Variants in PEMT observed in about 807,000 individuals in gnomAD.
PEMT encodes phosphatidylethanolamine N-methyltransferase.
In PEMT, 23 loss-of-function variants were observed where a neutral mutation model predicts 27.4. That is an observed-to-expected ratio of 0.84 (90% CI 0.60 to 1.19). The LOEUF is 1.19. Among genes scored for constraint, PEMT ranks in the 50% most tolerant of loss-of-function variants. The pLI, the probability that PEMT is intolerant of heterozygous loss-of-function variation, is 0.00. For synonymous variants in PEMT, 137 were observed against 139.1 expected (o/e 0.98, Z 0.11); for missense variants, 307 against 310.1 (o/e 0.99, Z 0.07).
intron 1 of PEMT, among the ~76,000 whole-genome samples, chr17:17,589,901 C>G (rs565504001): frequency 3.0e-4 from 46 of 152,378 alleles, no homozygotes; most frequent in African/African-American, 1.1e-3. Flanking sequence ...CTCTCTCCAG[C>G]TGCACAGCCC....
chr17:17,541,963 ACCTTCCTCTTTTTTCTTTTTTCTTTT>A (rs1908919301), intron 2 of PEMT, among the ~76,000 whole-genome samples: 1 of 152,176 alleles, frequency 6.6e-6, no homozygotes, highest in East Asian at 1.9e-4. Context: ...GGCACAGCCC[ACCTTCCTCTTTTTTCTTTTTTCTTTT>A]TCTTTTTTTG....
intron 2 of PEMT, among the ~76,000 whole-genome samples, chr17:17,543,204 AT>A (rs749980631): frequency 3.3e-5 from 5 of 152,226 alleles, no homozygotes; most frequent in Non-Finnish European, 7.3e-5. Flanking sequence ...TCGCATGTGC[AT>A]GTGACCACTG....
intron 1 of PEMT, chr17:17,577,399 A>G: frequency 3.3e-6 from 3 of 904,316 alleles, no homozygotes; most frequent in Non-Finnish European, 4.2e-6. Context: ...AAATGTGAAG[A>G]GATGCTCAAC....
intron 2 of PEMT, among the ~76,000 whole-genome samples, chr17:17,546,567 C>T (rs952251230): frequency 3.3e-5 from 5 of 152,154 alleles, no homozygotes; most frequent in Admixed American, 2.0e-4. Context: ...TACAAGATAA[C>T]GGGATGGCAT....
At chr17:17,528,627 C>T (rs1907870063) in intron 2 of PEMT, among the ~76,000 whole-genome samples, 1 of 152,206 alleles carries the variant, frequency 6.6e-6, no homozygotes, top group African/African-American at 2.4e-5. Context: ...TGAGACGTCC[C>T]CGGGGCAGCA....
At chr17:17,509,863 G>A (rs1253149798) in intron 4 of PEMT, among the ~76,000 whole-genome samples, 2 of 152,112 alleles carry the variant, frequency 1.3e-5, no homozygotes, top group East Asian at 3.9e-4. Context: ...CCTCCCCTGC[G>A]ATGCCTTTCC....
chr17:17,535,523 CCACTGCACTCCAGCCTGGGCGA>C (rs1346398242), intron 2 of PEMT, among the ~76,000 whole-genome samples: 2 of 151,730 alleles, frequency 1.3e-5, no homozygotes, highest in Admixed American at 6.6e-5. Flanking sequence ...TGAGATCGCG[CCACTGCACTCCAGCCTGGGCGA>C]CAGACTGAGA....
chr17:17,506,304 G>T lies in PEMT; in HGVS notation c.579-3C>A. ...GCAGGCCCGTGGGGCTGGCGTGCCT[G>T]AAAGGACAGAGGCAGGTCAGGCCTG... On this transcript the variant is annotated splice_region_variant and splice_polypyrimidine_tract_variant and intron_variant, in intron 5 of 6. Coordinates refer to ENST00000255389, the MANE Select transcript of PEMT (RefSeq NM_148172.3). 1 of 1,570,194 alleles carries T rather than the reference G, an allele frequency of 6.4e-7. No homozygotes were observed. The highest frequency in any genetic ancestry group is 8.6e-7 in the Non-Finnish European group (1 of 1,156,760).
rs70963100 is a variant in PEMT, at chr17:17,512,525, G to A, written c.450C>T (p.Phe150=). ...LVLSSFFALG[F]AGTFLGDYFG... Reference sequence around the variant, plus strand: ...GGGTCTTACCTAGGAAAGTTCCAGCGAACCCCAGTGCAAAGAAGCTGGAGA... The same window carrying A: ...GGGTCTTACCTAGGAAAGTTCCAGCAAACCCCAGTGCAAAGAAGCTGGAGA... The change falls in exon 4 of 7, where the codon TTC becomes TTT. Residue 150 remains phenylalanine (F), a synonymous_variant. Transcript: ENST00000255389. The surrounding 1 kb of genome is among the most constrained non-coding windows in gnomAD (Gnocchi z 6.3). 148 of 1,601,894 alleles carry A rather than the reference G, an allele frequency of 9.2e-5. No homozygotes were observed. Among genetic ancestry groups the A allele is most frequent in the Middle Eastern group, 1.7e-4 (1 of 6,024 alleles).
chr17:17,545,037 G>A (rs1909153014), intron 2 of PEMT, among the ~76,000 whole-genome samples: 1 of 152,190 alleles, frequency 6.6e-6, no homozygotes, highest in Non-Finnish European at 1.5e-5. Context: ...GTTCCAAAGG[G>A]CCACTCAGCT....
Position 17,507,870 on chromosome 17 carries a change from C to T in PEMT, c.578+1564G>A, listed in dbSNP as rs71364028. The T allele has an allele frequency of 7.0e-3, 1,072 of 152,780 alleles. 9 individuals carry two copies. Among genetic ancestry groups the T allele is most frequent in the Non-Finnish European group, 9.3e-3 (633 of 68,384 alleles). 9.5% of individuals were successfully genotyped at this position (152,780 alleles called of 1,614,324 possible). A position where few individuals can be genotyped will look rare whatever the true frequency, so the allele number is the denominator to read the frequency against. ...GGACCATTGATGCCATCTCTCAGCACGCTGCATGGCTGATGTCCTCTGGAG... is the reference window on the plus strand; with the variant it reads ...GGACCATTGATGCCATCTCTCAGCATGCTGCATGGCTGATGTCCTCTGGAG... On this transcript the variant is annotated intron_variant, in intron 5 of 6. Transcript: ENST00000255389.
At chr17:17,509,623 G>A (rs888021775) in intron 4 of PEMT, 78 bp from the exon 5 acceptor site, 7 of 1,011,052 alleles carry the variant, frequency 6.9e-6, no homozygotes, top group South Asian at 5.2e-5. Flanking sequence ...GCCCCAGAGC[G>A]GGCTGTGGCG....
chr17:17,572,140 G>A (rs1292902058), intron 2 of PEMT, among the ~76,000 whole-genome samples: 1 of 152,186 alleles, frequency 6.6e-6, no homozygotes, highest in Non-Finnish European at 1.5e-5. Flanking sequence ...GCCCAACCAT[G>A]GGCTGGCCAA....
At chr17:17,558,233 G>A (rs1398037707) in intron 2 of PEMT, among the ~76,000 whole-genome samples, 2 of 152,114 alleles carry the variant, frequency 1.3e-5, no homozygotes, top group Non-Finnish European at 2.9e-5. Context: ...AGGGCTGGGC[G>A]TGGTGGCTCA....
chr17:17,573,466 CA>C (rs71152883), intron 2 of PEMT, among the ~76,000 whole-genome samples: 1,273 of 80,190 alleles, frequency 0.016, 28 homozygotes, highest in Admixed American at 0.11. Context: ...GATGCTGTCT[CA>C]AAAAAAAAAA....
At chr17:17,569,394 G>A (rs2142721415) in intron 2 of PEMT, among the ~76,000 whole-genome samples, 1 of 152,294 alleles carries the variant, frequency 6.6e-6, no homozygotes, top group Non-Finnish European at 1.5e-5. Flanking sequence ...GAGGGGAGGA[G>A]CTGCACACTG....
chr17:17,543,009 C>A (rs1908996386), intron 2 of PEMT, among the ~76,000 whole-genome samples: 1 of 152,254 alleles, frequency 6.6e-6, no homozygotes, highest in African/African-American at 2.4e-5. Context: ...GGCCTCCTCG[C>A]ATCAGTTACT....
chr17:17,532,520 G>C (rs947836713), intron 2 of PEMT, among the ~76,000 whole-genome samples: 8 of 152,124 alleles, frequency 5.3e-5, no homozygotes, highest in African/African-American at 1.9e-4. Context: ...AGAAACAAAA[G>C]ATCTAAATAA....
chr17:17,547,708 C>T (rs1368052496), intron 2 of PEMT, among the ~76,000 whole-genome samples: 1 of 152,116 alleles, frequency 6.6e-6, no homozygotes, highest in East Asian at 1.9e-4. Flanking sequence ...GTCTGGGGCA[C>T]AGCCACAGGG....
Sources: allele counts gnomAD v4.1 joint callset (sites outside exome capture counted in the v4.1 genomes callset), GRCh38; gene constraint gnomAD v4.1.1; non-coding constraint Gnocchi (gnomAD v3.1); transcripts MANE v1.5; gene names NCBI Gene and HGNC (gene_info 2026-07-23, HGNC 2026-07-21).